PP2D1: variants seen among roughly 807,000 people sequenced by gnomAD.
The protein encoded by PP2D1 is protein phosphatase 2C like domain containing 1, also known as protein phosphatase 2C-like domain-containing protein 1.
PP2D1 carries 25 observed loss-of-function variants against 30.2 expected under a neutral mutation model. The ratio of observed to expected loss-of-function variants is 0.83; its 90% CI spans 0.60 to 1.16. PP2D1 has a LOEUF of 1.16. Ranked by LOEUF, PP2D1 falls within the 50% of genes most tolerant of loss-of-function variation. The pLI is 0.00. For missense variants in PP2D1, 760 were observed against 742.4 expected, an observed-to-expected ratio of 1.02 and a Z score of -0.28; for synonymous variants, 260 against 258.9, an observed-to-expected ratio of 1.00 and a Z score of -0.04.
chr3:19,982,763 TAAAAAAA>T (rs62910362), downstream of PP2D1, among the ~76,000 whole-genome samples: 1 of 139,832 alleles, frequency 7.2e-6, no homozygotes, highest in Non-Finnish European at 1.6e-5. Flanking sequence ...CCTTGTCTCT[TAAAAAAA>T]AAAAAAAAGA....
At chr3:19,993,887 C>T (rs1034868109) in intron 2 of PP2D1, among the ~76,000 whole-genome samples, 2 of 151,976 alleles carry the variant, frequency 1.3e-5, no homozygotes, top group Non-Finnish European at 2.9e-5. Flanking sequence ...TACAGGTGCC[C>T]ACCCCCGGCT....
downstream of PP2D1, among the ~76,000 whole-genome samples, chr3:19,981,114 C>A (rs537847280): frequency 5.3e-5 from 8 of 152,110 alleles, no homozygotes; most frequent in Non-Finnish European, 4.4e-5. Context: ...TACTCTTAGT[C>A]ATCTTTAATA....
downstream of PP2D1, among the ~76,000 whole-genome samples, chr3:19,983,512 C>T (rs1235311193): frequency 6.6e-6 from 1 of 151,972 alleles, no homozygotes; most frequent in Non-Finnish European, 1.5e-5. Flanking sequence ...CACAATTACC[C>T]CAGAAATCAA....
In PP2D1 at chr3:20,012,089, C is replaced by T. The variant is rs2686326; in HGVS notation, c.-17G>A. ...GGTGCTCATGTTCCTTTGGAATTAC[C>T]TTTCTTTGCCCTCCCTTTATCCCCT... On this transcript the variant is annotated 5_prime_UTR_variant, in exon 1 of 3. Coordinates refer to ENST00000389050, the MANE Select transcript of PP2D1 (RefSeq NM_001252657.2). The T allele has an allele frequency of 0.37, 564,807 of 1,518,390 alleles. 108,811 individuals carry two copies. The highest frequency in any genetic ancestry group is 0.54 in the African/African-American group (39,087 of 72,428). 94.1% of individuals were successfully genotyped at this position (1,518,390 alleles called of 1,614,324 possible). A position where few individuals can be genotyped will look rare whatever the true frequency, so the allele number is the denominator to read the frequency against.
At chr3:20,007,765 T>A in intron 1 of PP2D1, 1 of 88,816 alleles carries the variant, frequency 1.1e-5, no homozygotes. Context: ...CAAAAATCCG[T>A]CTCAAAAAAA....
chr3:19,997,119 A>G (rs1697190677), intron 2 of PP2D1, among the ~76,000 whole-genome samples: 1 of 151,984 alleles, frequency 6.6e-6, no homozygotes, highest in Non-Finnish European at 1.5e-5. Flanking sequence ...CCCAAACATC[A>G]TGTTGAAATT....
chr3:20,005,542 G>A (rs938163343), intron 1 of PP2D1, among the ~76,000 whole-genome samples: 1 of 152,122 alleles, frequency 6.6e-6, no homozygotes, highest in Admixed American at 6.6e-5. Flanking sequence ...ACCTTTTAAT[G>A]TGTTAGAGTA....
intron 1 of PP2D1, among the ~76,000 whole-genome samples, chr3:20,009,550 A>C (rs1479172890): frequency 6.6e-6 from 1 of 152,332 alleles, no homozygotes; most frequent in South Asian, 2.1e-4. Context: ...ATTAAAAATG[A>C]ATGGAAAATA....
At chr3:19,994,270 C>G (rs1383091025) in intron 2 of PP2D1, among the ~76,000 whole-genome samples, 4 of 152,116 alleles carry the variant, frequency 2.6e-5, no homozygotes, top group Admixed American at 6.6e-5. Flanking sequence ...AGAAAGGAAG[C>G]TACAAAGAAC....
At chr3:19,988,777 G>A (rs778840806) in intron 2 of PP2D1, among the ~76,000 whole-genome samples, 10 of 152,070 alleles carry the variant, frequency 6.6e-5, no homozygotes, top group East Asian at 1.9e-4. Context: ...TTCTGAGACC[G>A]ACGGACACTT....
chr3:20,006,763 G>A (rs1453018911), intron 1 of PP2D1, among the ~76,000 whole-genome samples: 1 of 151,518 alleles, frequency 6.6e-6, no homozygotes, highest in East Asian at 1.9e-4. Flanking sequence ...TACTGCATCG[G>A]CCCTCCCGTA....
At chr3:19,992,907 G>A (rs1697135344) in intron 2 of PP2D1, among the ~76,000 whole-genome samples, 4 of 152,172 alleles carry the variant, frequency 2.6e-5, no homozygotes, top group Admixed American at 2.6e-4. Flanking sequence ...GGTGGCGCAG[G>A]CTGAAGGCCT....
intron 2 of PP2D1, among the ~76,000 whole-genome samples, chr3:19,988,976 ACT>A (rs747274327): frequency 2.3e-4 from 35 of 151,606 alleles, no homozygotes; most frequent in Admixed American, 1.4e-3. Context: ...ACAAAGCAAG[ACT>A]CTCTCAAAAA....
chr3:20,000,532 G>A (rs1406991082), intron 2 of PP2D1, among the ~76,000 whole-genome samples: 1 of 152,132 alleles, frequency 6.6e-6, no homozygotes. Flanking sequence ...TCATAAAACT[G>A]AGGCATGAAC....
chr3:19,985,011 A>G, downstream of PP2D1: 1 of 191,834 alleles, frequency 5.2e-6, no homozygotes, highest in East Asian at 1.5e-4. Flanking sequence ...AGGTATTTTC[A>G]TTATATGAAA....
chr3:20,012,229 T>A lies in PP2D1; in HGVS notation c.-157A>T, dbSNP rs1328587615. 4 of 632,012 alleles carry A rather than the reference T, an allele frequency of 6.3e-6. No individual in the cohort carries two copies. Among genetic ancestry groups the A allele is most frequent in the Non-Finnish European group, 5.5e-6 (2 of 360,574 alleles). 39.2% of individuals were successfully genotyped at this position (632,012 alleles called of 1,614,324 possible). A position where few individuals can be genotyped will look rare whatever the true frequency, so the allele number is the denominator to read the frequency against. ...TGGTGATGATAGCGATGGTGGGCAT[T>A]CCCCTCACTTGATGGTAGAGCTCCC... On this transcript the variant is annotated 5_prime_UTR_variant, in exon 1 of 3. Transcript: ENST00000389050.
chr3:19,993,434 A>G (rs1157694725), intron 2 of PP2D1, among the ~76,000 whole-genome samples: 1 of 152,198 alleles, frequency 6.6e-6, no homozygotes, highest in African/African-American at 2.4e-5. Context: ...AGCCGAATCC[A>G]CGTTAAATTT....
intron 1 of PP2D1, among the ~76,000 whole-genome samples, chr3:20,010,340 C>A (rs1216194550): frequency 6.6e-6 from 1 of 152,112 alleles, no homozygotes; most frequent in African/African-American, 2.4e-5. Flanking sequence ...AAGTGATCTG[C>A]CCACCTCAGC....
chr3:20,001,375 T>C lies in PP2D1; in HGVS notation c.745A>G (p.Asn249Asp). The C allele has an allele frequency of 6.5e-7, 1 of 1,536,506 alleles. No homozygotes were observed. Residue 249 changes from asparagine to aspartate, a missense_variant, in exon 2 of 3, where the codon AAT (asparagine) becomes GAT (aspartate). This residue lies in a region of PP2D1 where 374 missense variants were observed against 388.8 expected (regional missense o/e 0.96). Coordinates refer to ENST00000389050, the MANE Select transcript of PP2D1 (RefSeq NM_001252657.2). The part of the protein sequence containing the change: ...QMTTDEQQII[N>D]SFYTVFREEY... ...TCTCTAAACACAGTGTAAAAGGAAT[T>C]GATTATTTGTTGCTCATCAGTTGTC...
Sources: allele counts gnomAD v4.1 joint callset (sites outside exome capture counted in the v4.1 genomes callset), GRCh38; gene constraint gnomAD v4.1.1; regional missense constraint gnomAD v4.1.1; transcripts MANE v1.5; gene names NCBI Gene and HGNC (gene_info 2026-07-23, HGNC 2026-07-21).